CPQ: variants seen among roughly 807,000 people sequenced by gnomAD.
CPQ encodes the protein Ser-Met dipeptidase.
A neutral mutation model predicts 45.7 loss-of-function variants in CPQ; 37 were observed. The ratio of observed to expected loss-of-function variants is 0.81; its 90% confidence interval spans 0.62 to 1.07. The LOEUF is 1.07. Ranked by LOEUF, CPQ falls within the 50% of genes least tolerant of loss-of-function variation. The pLI, the probability that CPQ is intolerant of heterozygous loss-of-function variation, is 0.00. For synonymous variants in CPQ, 186 were observed against 205.8 expected (o/e 0.90, Z 0.82); for missense variants, 537 against 572.9 (o/e 0.94, Z 0.64).
chr8:96,927,836 T>C (rs1311846138), intron 4 of CPQ, among the ~76,000 whole-genome samples: 4 of 152,196 alleles, frequency 2.6e-5, no homozygotes, highest in African/African-American at 9.7e-5. Context: ...AGATTTCAGA[T>C]CCTTCTTTCT....
At chr8:96,840,575 A>G (rs568954832) in intron 3 of CPQ, among the ~76,000 whole-genome samples, 5 of 152,324 alleles carry the variant, frequency 3.3e-5, no homozygotes, top group African/African-American at 1.2e-4. Flanking sequence ...TCTGATACAC[A>G]TTAAAGTTTA....
rs1470074217 is a variant in CPQ at position 96,719,145 on chromosome 8, C to T, written c.-34-65719C>T. ...GTGCCGTGGAGCAAGGGGTGGCACT[C>T]ATTGGGGAGGCTCAGGCCACACAGG... On this transcript the variant is annotated intron_variant, in intron 1 of 7. Coordinates refer to ENST00000220763, the MANE Select transcript of CPQ (RefSeq NM_016134.4). Among the ~76,000 whole-genome samples, 3 of 152,306 alleles carry T rather than the reference C, an allele frequency of 2.0e-5. No homozygotes were observed. In the East Asian group the frequency reaches 5.8e-4, roughly 30 times the overall value.
At chr8:97,136,252 C>G (rs775976814) in intron 7 of CPQ, among the ~76,000 whole-genome samples, 7 of 152,092 alleles carry the variant, frequency 4.6e-5, no homozygotes, top group Non-Finnish European at 7.4e-5. Flanking sequence ...AGGGTCAAGG[C>G]AGTCATATAG....
At chr8:97,109,646 A>AT (rs919910785) in intron 7 of CPQ, among the ~76,000 whole-genome samples, 41 of 150,704 alleles carry the variant, frequency 2.7e-4, no homozygotes, top group African/African-American at 4.4e-4. Flanking sequence ...CACACAAATG[A>AT]TTTTTTTTTC....
intron 1 of CPQ, among the ~76,000 whole-genome samples, chr8:96,758,325 A>G (rs1042872190): frequency 6.6e-6 from 1 of 152,224 alleles, no homozygotes; most frequent in Non-Finnish European, 1.5e-5. Flanking sequence ...AACATGGTGT[A>G]AACTCTATGG....
At chr8:96,777,045 G>A (rs980639344) in intron 1 of CPQ, among the ~76,000 whole-genome samples, 1 of 152,128 alleles carries the variant, frequency 6.6e-6, no homozygotes, top group Admixed American at 6.5e-5. Context: ...TCCTATAATT[G>A]CTTGAGAGAG....
At chr8:96,691,791 T>G (rs1809308344) in intron 1 of CPQ, among the ~76,000 whole-genome samples, 1 of 152,138 alleles carries the variant, frequency 6.6e-6, no homozygotes, top group Admixed American at 6.6e-5. Context: ...TCAGGTTTCT[T>G]TGATGCTGGT....
At chr8:96,956,977 T>G (rs898003662) in intron 4 of CPQ, among the ~76,000 whole-genome samples, 9 of 152,242 alleles carry the variant, frequency 5.9e-5, no homozygotes, top group African/African-American at 2.2e-4. Flanking sequence ...GTTGGCTCCT[T>G]GACACTCTGT....
chr8:97,052,103 G>A (rs545070039), intron 6 of CPQ, among the ~76,000 whole-genome samples: 16 of 152,210 alleles, frequency 1.1e-4, no homozygotes, highest in African/African-American at 2.6e-4. Context: ...CATTATTCCC[G>A]ACATATTTGC....
chr8:97,041,225 T>C (rs1810117745), intron 6 of CPQ, among the ~76,000 whole-genome samples: 1 of 152,172 alleles, frequency 6.6e-6, no homozygotes, highest in Non-Finnish European at 1.5e-5. Context: ...GATTCCTAGG[T>C]ATTTTATTCT....
In CPQ at chr8:96,834,651, T is replaced by G. The variant is rs554301224; in HGVS notation, c.434-322T>G. On this transcript the variant is annotated intron_variant, in intron 2 of 7. Coordinates refer to ENST00000220763, the MANE Select transcript of CPQ (RefSeq NM_016134.4). ...AAAATAAATGATTAGCATCATTCTT[T>G]GAAATTTGTGACTTCTGAGGGTGGG... is the stretch of plus-strand genomic sequence containing the variant. Among the ~76,000 whole-genome samples the G allele has an allele frequency of 3.3e-5, 5 of 152,342 alleles. No homozygotes were observed. In the East Asian group the frequency reaches 9.7e-4, roughly 29 times the overall value.
intron 4 of CPQ, among the ~76,000 whole-genome samples, chr8:96,903,288 G>T (rs1812535943): frequency 6.6e-6 from 1 of 152,196 alleles, no homozygotes; most frequent in African/African-American, 2.4e-5. Flanking sequence ...CTAAAAAGTG[G>T]AAACAAATAG....
At chr8:96,841,225 C>A (rs912451316) in intron 3 of CPQ, among the ~76,000 whole-genome samples, 5 of 152,084 alleles carry the variant, frequency 3.3e-5, no homozygotes, top group Admixed American at 6.6e-5. Context: ...GTAAGATAGT[C>A]CCATTAATCT....
chr8:96,871,767 A>G (rs1440186784), intron 3 of CPQ, among the ~76,000 whole-genome samples: 1 of 151,714 alleles, frequency 6.6e-6, no homozygotes, highest in Non-Finnish European at 1.5e-5. Flanking sequence ...TATTTCATCT[A>G]CATTTCTATG....
At chr8:97,092,567 G>A (rs1309103623) in intron 7 of CPQ, 1 of 152,112 alleles carries the variant, frequency 6.6e-6, no homozygotes, top group African/African-American at 2.4e-5. Flanking sequence ...AAAAAACAAT[G>A]GGGAAAGGAC....
intron 5 of CPQ, among the ~76,000 whole-genome samples, chr8:96,973,436 A>G (rs1037455542): frequency 3.3e-5 from 5 of 152,208 alleles, no homozygotes; most frequent in Admixed American, 2.6e-4. Flanking sequence ...AAAGTCTGAA[A>G]AACATATTTG....
intron 4 of CPQ, among the ~76,000 whole-genome samples, chr8:96,908,777 A>ACACACACACACACACACACACACACC (rs147900019): frequency 6.7e-6 from 1 of 150,164 alleles, no homozygotes; most frequent in African/African-American, 2.5e-5. Flanking sequence ...ACACACACAC[A>ACACACACACACACACACACACACACC]CCATATATTC....
chr8:96,904,939 C>G (rs767614336), intron 4 of CPQ, among the ~76,000 whole-genome samples: 6 of 152,110 alleles, frequency 3.9e-5, no homozygotes, highest in Non-Finnish European at 7.4e-5. Flanking sequence ...CATGGATATT[C>G]TTTGATTGGA....
intron 1 of CPQ, among the ~76,000 whole-genome samples, chr8:96,708,218 C>T (rs1183441030): frequency 6.6e-6 from 1 of 152,038 alleles, no homozygotes; most frequent in Non-Finnish European, 1.5e-5. Context: ...CTTGTGATTA[C>T]ACTGAGCACA....
Sources: allele counts gnomAD v4.1 joint callset (sites outside exome capture counted in the v4.1 genomes callset), GRCh38; gene constraint gnomAD v4.1.1; transcripts MANE v1.5; gene names NCBI Gene and HGNC (gene_info 2026-07-23, HGNC 2026-07-21).